MRTFA: variants seen among roughly 807,000 people sequenced by gnomAD.
MRTFA encodes the protein myocardin related transcription factor A, also known as myocardin-related transcription factor A.
MRTFA carries 20 observed loss-of-function variants against 83.5 expected under a neutral mutation model. The observed-to-expected ratio is 0.24, with a 90% CI of 0.17 to 0.35. The LOEUF (loss-of-function observed/expected upper bound fraction) is 0.35. Among genes scored for constraint, MRTFA ranks in the 10% least tolerant of loss-of-function variants. The probability of loss-of-function intolerance (pLI) is 1.00; values close to 1 mark genes in which losing one functional copy is unlikely to be tolerated. For missense variants in MRTFA, 1,200 were observed against 1,224.7 expected (o/e 0.98, Z 0.30); for synonymous variants, 659 against 541.2 (o/e 1.22, Z -3.02).
In MRTFA at chr22:40,585,234, T is replaced by C. The variant is rs558825517; in HGVS notation, c.-22+9440A>G. 5.9e-5 allele frequency among the ~76,000 whole-genome samples: 9 copies of C among 152,212 alleles called. No individual in the cohort carries two copies. In the South Asian group the frequency reaches 1.9e-3, roughly 32 times the overall value. On this transcript the variant is annotated intron_variant, in intron 2 of 14. Transcript: ENST00000355630. ...TGTTCTAGATGTCTGAGGTCGATGA[T>C]TACTACTTTAATTTTTAACTTGTAT...
rs1686581321 is a variant in MRTFA at position 40,410,873 on chromosome 22, C to T, written c.*517G>A. 4.3e-6 allele frequency: 1 copy of T among 233,734 alleles called. No individual in the cohort carries two copies. Among genetic ancestry groups the T allele is most frequent in the African/African-American group, 2.2e-5 (1 of 45,304 alleles). 14.5% of individuals were successfully genotyped at this position (233,734 alleles called of 1,614,324 possible). ...TGCCACCAACCACTAAATGGTTACA[C>T]TACACCAAGACACTAAAATGGCAGG... On this transcript the variant is annotated 3_prime_UTR_variant, in exon 15 of 15. Coordinates refer to ENST00000355630, the MANE Select transcript of MRTFA (RefSeq NM_020831.6).
chr22:40,474,171 AGGTACTAGATACAC>A (rs1176831038), intron 3 of MRTFA, among the ~76,000 whole-genome samples: 1 of 152,234 alleles, frequency 6.6e-6, no homozygotes, highest in African/African-American at 2.4e-5. Context: ...GTCCTGTGCT[AGGTACTAGATACAC>A]CTATGATCTC....
chr22:40,424,197 C>T lies in MRTFA; in HGVS notation c.777+9G>A, dbSNP rs900648803. 6.3e-7 allele frequency: 1 copy of T among 1,585,662 alleles called. No individual in the cohort carries two copies. The highest frequency in any genetic ancestry group is 8.6e-7 in the Non-Finnish European group (1 of 1,168,902). ...GGAGCTGGGGAAGCATCTGGAAGCA[C>T]ACACTCACCTGGGTGGGGGATGCAG... On this transcript the variant is annotated intron_variant, in intron 8 of 14. Transcript: ENST00000355630.
chr22:40,439,973 G>A (rs989503109), intron 4 of MRTFA: 13 of 162,784 alleles, frequency 8.0e-5, no homozygotes, highest in African/African-American at 1.9e-4. Flanking sequence ...CCAACATGAC[G>A]AAAGCCCGTC....
chr22:40,498,273 A>ATTTTTTTTTT (rs1189933906), intron 3 of MRTFA, among the ~76,000 whole-genome samples: 1 of 40,970 alleles, frequency 2.4e-5, no homozygotes. Flanking sequence ...ATATATATAT[A>ATTTTTTTTTT]TTTTTTTTTT....
chr22:40,564,122 G>A (rs1483740299), intron 2 of MRTFA, among the ~76,000 whole-genome samples: 1 of 152,188 alleles, frequency 6.6e-6, no homozygotes, highest in Non-Finnish European at 1.5e-5. Flanking sequence ...TGTTGGGGAT[G>A]GAGGAGAGAC....
In MRTFA at chr22:40,411,831, G is replaced by T. The variant is rs1169180826; in HGVS notation, c.2655C>A (p.Ser885=). 2 of 1,512,164 alleles carry T rather than the reference G, an allele frequency of 1.3e-6. No individual in the cohort carries two copies. Among genetic ancestry groups the T allele is most frequent in the African/African-American group, 1.4e-5 (1 of 71,816 alleles). 93.7% of individuals were successfully genotyped at this position (1,512,164 alleles called of 1,614,324 possible). The change falls in exon 15 of 15, where the codon TCC becomes TCA. Residue 885 remains serine, a synonymous_variant. Coordinates refer to ENST00000355630, the MANE Select transcript of MRTFA (RefSeq NM_020831.6). ...AAGGTGATGGCTGTGCTGCCAGGGGGGACCCACAGACTGTCTTCGGGGATG... is the reference window on the plus strand; with the variant it reads ...AAGGTGATGGCTGTGCTGCCAGGGGTGACCCACAGACTGTCTTCGGGGATG...
intron 3 of MRTFA, among the ~76,000 whole-genome samples, chr22:40,535,797 C>A (rs191239441): frequency 5.5e-4 from 84 of 152,228 alleles, no homozygotes; most frequent in Admixed American, 3.0e-3. Flanking sequence ...TGGCTGTCTC[C>A]CTCCTGCCAA....
At chr22:40,606,743 A>G (rs1401283552) in intron 1 of MRTFA, among the ~76,000 whole-genome samples, 1 of 152,232 alleles carries the variant, frequency 6.6e-6, no homozygotes, top group Non-Finnish European at 1.5e-5. Context: ...TGGAGACATC[A>G]GACCACCAGA....
At chr22:40,414,658 C>G (rs2052637844) in intron 14 of MRTFA, among the ~76,000 whole-genome samples, 2 of 152,146 alleles carry the variant, frequency 1.3e-5, no homozygotes, top group African/African-American at 4.8e-5. Context: ...TGTGAGGTCC[C>G]CACGACAGGC....
chr22:40,499,547 C>A (rs1020771571), intron 3 of MRTFA, among the ~76,000 whole-genome samples: 1 of 152,116 alleles, frequency 6.6e-6, no homozygotes, highest in South Asian at 2.1e-4. Context: ...ACATATTTCT[C>A]AAGCCAGAAG....
chr22:40,582,104 A>G (rs2055955819), intron 2 of MRTFA, among the ~76,000 whole-genome samples: 2 of 152,172 alleles, frequency 1.3e-5, no homozygotes, highest in African/African-American at 4.8e-5. Flanking sequence ...AGCAACTACT[A>G]ATCTACTTTC....
intron 2 of MRTFA, among the ~76,000 whole-genome samples, chr22:40,585,237 C>G (rs772441276): frequency 1.3e-5 from 2 of 152,182 alleles, no homozygotes; most frequent in Non-Finnish European, 2.9e-5. Context: ...TCGATGATTA[C>G]TACTTTAATT....
At chr22:40,461,204 CAAAAAAA>C (rs55733153) in intron 4 of MRTFA, among the ~76,000 whole-genome samples, 8,555 of 50,292 alleles carry the variant, frequency 0.17, 477 homozygotes, top group East Asian at 0.43. Context: ...GAACTTGTCT[CAAAAAAA>C]AAAAAAAAAA....
At chr22:40,550,822 A>G in intron 3 of MRTFA, among the ~76,000 whole-genome samples, 1 of 150,204 alleles carries the variant, frequency 6.7e-6, no homozygotes. Flanking sequence ...ACAATTTTCT[A>G]TATTGTTCTT....
In MRTFA at chr22:40,420,886, T is replaced by C. The variant is rs1250785126; in HGVS notation, c.1142A>G (p.Gln381Arg). The change falls in exon 10 of 15, where the codon CAG becomes CGG. Residue 381 changes from glutamine to arginine, a missense_variant. Coordinates refer to ENST00000355630, the MANE Select transcript of MRTFA (RefSeq NM_020831.6). ...CAGGATGGCCTGGTAGTTGTGGTGC[T>C]GCTGCTGCTGCTGGTTGAGGATCTG... 8.1e-6 allele frequency: 13 copies of C among 1,614,048 alleles called. No homozygotes were observed. Among genetic ancestry groups the C allele is most frequent in the Non-Finnish European group, 1.1e-5 (13 of 1,179,964 alleles).
At chr22:40,464,098 C>T (rs1354536856) in intron 3 of MRTFA, among the ~76,000 whole-genome samples, 1 of 151,732 alleles carries the variant, frequency 6.6e-6, no homozygotes, top group Non-Finnish European at 1.5e-5. Context: ...GTCAGGAGTT[C>T]GAGACCAGCC....
intron 1 of MRTFA, among the ~76,000 whole-genome samples, chr22:40,604,567 T>G (rs1000763721): frequency 2.6e-5 from 4 of 151,760 alleles, no homozygotes; most frequent in Non-Finnish European, 4.4e-5. Context: ...ACCAACATGG[T>G]GAAACCTCGT....
chr22:40,517,807 G>A (rs2054786765), intron 3 of MRTFA, among the ~76,000 whole-genome samples: 1 of 152,106 alleles, frequency 6.6e-6, no homozygotes, highest in South Asian at 2.1e-4. Context: ...ATGGATGAGG[G>A]CTGGCTGCCA....
Sources: gnomAD v4.1 joint callset for allele counts (sites outside exome capture counted in the v4.1 genomes callset) on GRCh38, gnomAD v4.1.1 for gene constraint, MANE v1.5 for transcripts, NCBI Gene and HGNC (gene_info 2026-07-23, HGNC 2026-07-21) for gene names.